The following TNFAIP8L3 variants were observed in gnomAD, a reference collection of about 807,000 sequenced individuals.
The protein encoded by TNFAIP8L3 is tumor necrosis factor alpha-induced protein 8-like protein 3.
Under a neutral mutation model 11.8 loss-of-function variants are expected in TNFAIP8L3, and 7 were observed. That is an observed-to-expected ratio of 0.59 (90% CI 0.34 to 1.11). The LOEUF is 1.11. Ranked by LOEUF, TNFAIP8L3 falls within the 50% of genes most tolerant of loss-of-function variation. The pLI is 0.03. For missense variants in TNFAIP8L3, 219 were observed against 258.6 expected (o/e 0.85, Z 1.05); for synonymous variants, 98 against 103.8 (o/e 0.94, Z 0.34).
rs2065215369 is a variant in TNFAIP8L3 at position 51,057,761 on chromosome 15, G to C, written c.*120C>G. On this transcript the variant is annotated 3_prime_UTR_variant, in exon 2 of 2. Transcript: ENST00000637513. ...GCATCAGAATCAGCATCAGAGGGAT[G>C]AACAGGAAAGAACATGGACATCTTT... 1.2e-6 allele frequency: 1 copy of C among 856,130 alleles called. No individual in the cohort carries two copies. Among genetic ancestry groups the C allele is most frequent in the African/African-American group, 1.7e-5 (1 of 59,296 alleles). 53.0% of individuals were successfully genotyped at this position (856,130 alleles called of 1,614,324 possible). A position where few individuals can be genotyped will look rare whatever the true frequency, so the allele number is the denominator to read the frequency against.
intron 1 of TNFAIP8L3, among the ~76,000 whole-genome samples, chr15:51,065,080 C>T (rs761436841): frequency 1.1e-4 from 16 of 152,126 alleles, no homozygotes; most frequent in Non-Finnish European, 1.8e-4. Flanking sequence ...TATAGTACTT[C>T]GGAATCTCTG....
chr15:51,067,180 C>T (rs1404535402), intron 1 of TNFAIP8L3, among the ~76,000 whole-genome samples: 1 of 152,156 alleles, frequency 6.6e-6, no homozygotes, highest in Non-Finnish European at 1.5e-5. Flanking sequence ...TTAAAAGGCA[C>T]CCATGGTAAA....
intron 1 of TNFAIP8L3, among the ~76,000 whole-genome samples, chr15:51,074,316 C>T (rs80065247): frequency 0.043 from 6,567 of 152,310 alleles, 218 homozygotes; most frequent in South Asian, 0.1. Flanking sequence ...AAATGTACTA[C>T]ATCATTGTTT....
At chr15:51,058,794 G>A (rs1041606476) in intron 1 of TNFAIP8L3, among the ~76,000 whole-genome samples, 2 of 152,170 alleles carry the variant, frequency 1.3e-5, no homozygotes, top group African/African-American at 2.4e-5. Flanking sequence ...CTGCTGTCAC[G>A]CTGGAAACCA....
intron 1 of TNFAIP8L3, among the ~76,000 whole-genome samples, chr15:51,059,807 G>A (rs1317425005): frequency 6.6e-6 from 1 of 152,270 alleles, no homozygotes; most frequent in African/African-American, 2.4e-5. Flanking sequence ...CCACACAGGA[G>A]TGACTGGATA....
upstream of TNFAIP8L3, among the ~76,000 whole-genome samples, chr15:51,096,891 C>CAAAAAAAA (rs56057102): frequency 3.7e-4 from 36 of 98,042 alleles, no homozygotes; most frequent in South Asian, 7.5e-4. Flanking sequence ...CACGCTGTCT[C>CAAAAAAAA]AAAAAAAAAA....
At position 51,058,020 on chromosome 15, in the gene TNFAIP8L3, C is replaced by G. The variant is rs757723768; in HGVS notation, c.476G>C (p.Gly159Ala). 4 of 1,614,196 alleles carry G rather than the reference C, an allele frequency of 2.5e-6. No homozygotes were observed. In the Admixed American group the frequency reaches 6.7e-5, roughly 27 times the overall value. ...GTGGTTAAAGACGTGGTTGATGCGC[C>G]CGTGGGTCCTGGGCGTCAGGTGCCG... is the stretch of plus-strand genomic sequence containing the variant. ...VQRHLTPRTH[G>A]RINHVFNHFA... Residue 159 changes from glycine to alanine, a missense_variant, in exon 2 of 2, where the codon GGG becomes GCG. Physicochemically the swap from Gly to Ala is moderately conservative, Grantham distance 60 (BLOSUM62 0). Transcript: ENST00000637513.
chr15:51,102,781 T>C (rs914402630), intron 1 of TNFAIP8L3, among the ~76,000 whole-genome samples: 8 of 152,210 alleles, frequency 5.3e-5, no homozygotes, highest in African/African-American at 1.7e-4. Context: ...AGTGACTTCC[T>C]GCTACTTCCT....
upstream of TNFAIP8L3, among the ~76,000 whole-genome samples, chr15:51,095,774 G>C (rs2065509641): frequency 6.6e-6 from 1 of 152,002 alleles, no homozygotes; most frequent in African/African-American, 2.4e-5. Context: ...TGCTCTTATT[G>C]CCTCCCTATT....
At chr15:51,069,038 A>G (rs1385974044) in intron 1 of TNFAIP8L3, among the ~76,000 whole-genome samples, 2 of 152,100 alleles carry the variant, frequency 1.3e-5, no homozygotes, top group African/African-American at 2.4e-5. Flanking sequence ...CTTGGGTGCA[A>G]TAGGACGGGG....
At chr15:51,061,890 T>C (rs2065244204) in intron 1 of TNFAIP8L3, among the ~76,000 whole-genome samples, 2 of 152,170 alleles carry the variant, frequency 1.3e-5, no homozygotes, top group African/African-American at 2.4e-5. Flanking sequence ...GGGTGAGGTA[T>C]GGTGTCTTAC....
rs1305528873 is a variant in TNFAIP8L3 at position 51,094,572 on chromosome 15, C to T, written c.24G>A (p.Gln8=). The stretch of plus-strand genomic sequence containing the variant: ...CGGCGGTCACGGGCTCGCCCTCGCT[C>T]TGCTCCCCGGAATCCGAATCCATGC... MDSDSGE[Q]SEGEPVTAAG... The change falls in exon 1 of 2, where the codon CAG becomes CAA. Residue 8 remains glutamine, a synonymous_variant. Transcript: ENST00000637513. This position sits in a 1 kb window ranked among gnomAD's most constrained non-coding sequence, Gnocchi z 4.4. 2.0e-6 allele frequency: 3 copies of T among 1,503,164 alleles called. No homozygotes were observed. Among genetic ancestry groups the T allele is most frequent in the Admixed American group, 4.1e-5 (2 of 48,996 alleles). The allele number at this position is 1,503,164 out of a possible 1,614,324, so 93.1% of individuals were successfully genotyped here. A position where few individuals can be genotyped will look rare whatever the true frequency, so the allele number is the denominator to read the frequency against.
At chr15:51,072,771 T>G (rs1178416152) in intron 1 of TNFAIP8L3, among the ~76,000 whole-genome samples, 2 of 152,122 alleles carry the variant, frequency 1.3e-5, no homozygotes, top group African/African-American at 4.8e-5. Flanking sequence ...TTTTTTACTC[T>G]GTTTATTAGA....
At chr15:51,083,895 G>A (rs1455278896) in intron 1 of TNFAIP8L3, among the ~76,000 whole-genome samples, 3 of 152,260 alleles carry the variant, frequency 2.0e-5, no homozygotes, top group African/African-American at 7.2e-5. Flanking sequence ...AATTTCAAGG[G>A]AGAGGACGGA....
upstream of TNFAIP8L3, among the ~76,000 whole-genome samples, chr15:51,097,864 A>AGGG (rs1259703850): frequency 1.1e-3 from 166 of 146,866 alleles, 1 homozygote; most frequent in East Asian, 0.01. Flanking sequence ...TGGGGGGGGA[A>AGGG]AAACTCTTAA....
intron 1 of TNFAIP8L3, among the ~76,000 whole-genome samples, chr15:51,076,401 A>T (rs2065350121): frequency 6.6e-6 from 1 of 152,202 alleles, no homozygotes; most frequent in Non-Finnish European, 1.5e-5. Flanking sequence ...CTAGCTGTGG[A>T]GGCTTAACTT....
intron 1 of TNFAIP8L3, among the ~76,000 whole-genome samples, chr15:51,065,736 G>C (rs1345359350): frequency 6.6e-6 from 1 of 152,158 alleles, no homozygotes; most frequent in African/African-American, 2.4e-5. Flanking sequence ...TGGAAAACTT[G>C]AATGTAAGTG....
At chr15:51,060,227 C>G (rs2065233729) in intron 1 of TNFAIP8L3, among the ~76,000 whole-genome samples, 1 of 152,182 alleles carries the variant, frequency 6.6e-6, no homozygotes, top group African/African-American at 2.4e-5. Flanking sequence ...AGCTTTTGTT[C>G]TCTGCAAAAT....
intron 1 of TNFAIP8L3, among the ~76,000 whole-genome samples, chr15:51,077,037 GCTT>G (rs956392312): frequency 1.3e-5 from 2 of 152,088 alleles, no homozygotes; most frequent in African/African-American, 2.4e-5. Context: ...GAATCCTCCT[GCTT>G]CTTTCTCACT....
Sources: gnomAD v4.1 joint callset for allele counts (sites outside exome capture counted in the v4.1 genomes callset) on GRCh38, gnomAD v4.1.1 for gene constraint, Gnocchi (gnomAD v3.1) non-coding constraint, MANE v1.5 for transcripts, NCBI Gene and HGNC (gene_info 2026-07-23, HGNC 2026-07-21) for gene names.